Variants in MGA observed in about 807,000 individuals in gnomAD.
MGA encodes MAX dimerization protein MGA.
Under a neutral mutation model 261.1 loss-of-function variants are expected in MGA, and 40 were observed. The observed-to-expected ratio is 0.15, with a 90% confidence interval of 0.12 to 0.20. MGA has a LOEUF of 0.20. MGA is among the 10% of genes least tolerant of loss of function. The probability of loss-of-function intolerance (pLI) is 1.00; values close to 1 mark genes in which losing one functional copy is unlikely to be tolerated. For synonymous variants in MGA, 1,302 were observed against 1,290.6 expected (o/e 1.01, Z -0.19); for missense variants, 3,397 against 3,630.5 (o/e 0.94, Z 1.65).
chr15:41,696,508 T>A lies in MGA; in HGVS notation c.1498T>A (p.Ser500Thr). 6.2e-7 allele frequency: 1 copy of A among 1,613,996 alleles called. No homozygotes were observed. The highest frequency in any genetic ancestry group is 8.5e-7 in the Non-Finnish European group (1 of 1,179,894). Residue 500 changes from serine to threonine, a missense_variant, in exon 3 of 24, where the codon TCT (serine) becomes ACT (threonine). Physicochemically the swap from Ser to Thr is moderately conservative, Grantham distance 58. Coordinates refer to ENST00000219905, the MANE Select transcript of MGA (RefSeq NM_001164273.2). Reference sequence around the variant, plus strand: ...TTCCACATCTCGAAAGGATAAATCTTCTATGTTGGCAGAATTGGAATATTT... The same window carrying A: ...TTCCACATCTCGAAAGGATAAATCTACTATGTTGGCAGAATTGGAATATTT...
chr15:41,638,239 C>T lies in MGA; in HGVS notation c.-68+16941C>T, dbSNP rs568705612. Among the ~76,000 whole-genome samples, 89 of 151,376 alleles carry T rather than the reference C, an allele frequency of 5.9e-4. 1 individual carries two copies. Among genetic ancestry groups the T allele is most frequent in the Admixed American group, 4.5e-3 (68 of 15,170 alleles). On this transcript the variant is annotated intron_variant, in intron 1 of 8. Coordinates refer to the MGA transcript ENST00000566718. ...TGTATTTTCAGTAGAGACGGGGTTT[C>T]GTCATGTTGGTCAGGCTGGTCTCGA...
intron 7 of MGA, among the ~76,000 whole-genome samples, chr15:41,709,141 A>T (rs1358817074): frequency 6.6e-6 from 1 of 152,010 alleles, no homozygotes; most frequent in East Asian, 1.9e-4. Flanking sequence ...GAGCTCAGGA[A>T]TTCGAGACCA....
intron 15 of MGA, among the ~76,000 whole-genome samples, chr15:41,744,636 A>G (rs146817441): frequency 9.8e-5 from 15 of 152,348 alleles, no homozygotes; most frequent in Non-Finnish European, 1.3e-4. Flanking sequence ...CTCAAGGTGC[A>G]TATCTGTTAT....
chr15:41,759,009 G>A (rs1370998282), intron 19 of MGA, among the ~76,000 whole-genome samples: 1 of 152,172 alleles, frequency 6.6e-6, no homozygotes, highest in African/African-American at 2.4e-5. Context: ...TTGAAAATGT[G>A]AGAATACAAA....
Position 41,748,898 on chromosome 15 carries a change from A to C in MGA, c.5474A>C (p.Asn1825Thr). Reference sequence around the variant, plus strand: ...CTTCGAGGCTCTAATACCCAGCCCAACTTACAGCCTGTCATGTTTCGGAAC... The same window carrying C: ...CTTCGAGGCTCTAATACCCAGCCCACCTTACAGCCTGTCATGTTTCGGAAC... The change falls in exon 16 of 24, where the codon AAC becomes ACC. Residue 1825 changes from asparagine to threonine, a missense_variant. Physicochemically the swap from Asn to Thr is moderately conservative, Grantham distance 65. This residue lies in a region of MGA where 1,410 missense variants were observed against 1,386.4 expected (regional missense o/e 1.02). Transcript: ENST00000219905. The C allele has an allele frequency of 3.7e-6, 6 of 1,613,896 alleles. No homozygotes were observed. Among genetic ancestry groups the C allele is most frequent in the Non-Finnish European group, 3.4e-6 (4 of 1,179,862 alleles).
chr15:41,726,632 G>A (rs2061264098), intron 9 of MGA, among the ~76,000 whole-genome samples: 1 of 151,876 alleles, frequency 6.6e-6, no homozygotes, highest in Non-Finnish European at 1.5e-5. Context: ...AGGTGGCTGA[G>A]GCATGAGAAT....
At chr15:41,637,390 A>T (rs2056733074) in intron 1 of MGA, among the ~76,000 whole-genome samples, 1 of 152,182 alleles carries the variant, frequency 6.6e-6, no homozygotes, top group African/African-American at 2.4e-5. Flanking sequence ...TGGTACTGAA[A>T]CTGGTTTAAA....
upstream of MGA, among the ~76,000 whole-genome samples, chr15:41,656,841 A>G (rs1322404550): frequency 6.6e-6 from 1 of 152,196 alleles, no homozygotes; most frequent in Non-Finnish European, 1.5e-5. Flanking sequence ...CAGTGGCACA[A>G]TCACAGCTCA....
chr15:41,716,346 C>T (rs1342831223), intron 9 of MGA, among the ~76,000 whole-genome samples: 8 of 151,622 alleles, frequency 5.3e-5, no homozygotes, highest in South Asian at 2.1e-4. Flanking sequence ...CCCAGCTACT[C>T]CGGAGGCTGA....
chr15:41,723,463 T>C (rs972436158), intron 9 of MGA, among the ~76,000 whole-genome samples: 42 of 152,348 alleles, frequency 2.8e-4, no homozygotes, highest in African/African-American at 9.4e-4. Flanking sequence ...TCACCCAGGC[T>C]GGAGTGCTGT....
chr15:41,713,268 C>G lies in MGA; in HGVS notation c.3202C>G (p.Pro1068Ala), dbSNP rs2060472747. The G allele has an allele frequency of 6.2e-7, 1 of 1,613,986 alleles. No homozygotes were observed. The highest frequency in any genetic ancestry group is 8.5e-7 in the Non-Finnish European group (1 of 1,179,890). Residue 1068 changes from proline (P) to alanine (A), a missense_variant, in exon 9 of 24, where the codon CCT becomes GCT. Around this residue, in one of 9 missense-constraint regions of MGA, gnomAD observed 519 missense variants for 554.1 expected, o/e 0.94. Transcript: ENST00000219905. ...CAGTCTAGCTTTGGAGAAGCGCCAA[C>G]CTGCTCACTGCCGCCGACCAGACTG...
At chr15:41,670,051 G>GAACCA in intron 2 of MGA, 93 bp downstream of exon 2, 1 of 1,016,808 alleles carries the variant, frequency 9.8e-7, no homozygotes, top group Non-Finnish European at 1.4e-6. Context: ...GAATGCTACA[G>GAACCA]ATGTTGATAA....
At chr15:41,653,945 C>G (rs1485113028) in intron 1 of MGA, among the ~76,000 whole-genome samples, 1 of 152,122 alleles carries the variant, frequency 6.6e-6, no homozygotes, top group East Asian at 1.9e-4. Flanking sequence ...GTACCGTTAC[C>G]AAAGTTCCAG....
intron 17 of MGA, 65 bp downstream of exon 17, chr15:41,750,680 GC>G: frequency 1.4e-6 from 2 of 1,433,398 alleles, no homozygotes; most frequent in Non-Finnish European, 1.9e-6. Flanking sequence ...AAAGACAGAA[GC>G]TTTTTCAGAA....
In MGA at chr15:41,707,622, C is replaced by T. The variant is rs563580476; in HGVS notation, c.2189-106C>T. 5.6e-5 allele frequency: 61 copies of T among 1,081,870 alleles called. No individual in the cohort carries two copies. The South Asian group carries it at 7.1e-4, about 13-fold the overall frequency. 67.0% of individuals were successfully genotyped at this position (1,081,870 alleles called of 1,614,324 possible). ...GCTCTTCACTATCTCCTTTCTCTCTCGACCTTACCCCCCCGCCATCTCCCA... is the reference window on the plus strand; with the variant it reads ...GCTCTTCACTATCTCCTTTCTCTCTTGACCTTACCCCCCCGCCATCTCCCA... On this transcript the variant is annotated intron_variant, in intron 5 of 23. Coordinates refer to ENST00000219905, the MANE Select transcript of MGA (RefSeq NM_001164273.2).
chr15:41,662,161 T>C (rs1442855747), intron 1 of MGA, among the ~76,000 whole-genome samples: 1 of 152,162 alleles, frequency 6.6e-6, no homozygotes, highest in African/African-American at 2.4e-5. Flanking sequence ...TTAAGTGGGT[T>C]GGGTCCACTT....
chr15:41,687,854 C>T (rs907827712), intron 2 of MGA, among the ~76,000 whole-genome samples: 1 of 152,014 alleles, frequency 6.6e-6, no homozygotes, highest in South Asian at 2.1e-4. Context: ...TAGTGTTATT[C>T]AGTTCTTCTG....
At chr15:41,635,523 C>CT (rs879607775) in intron 1 of MGA, among the ~76,000 whole-genome samples, 3 of 151,710 alleles carry the variant, frequency 2.0e-5, no homozygotes, top group African/African-American at 7.3e-5. Context: ...AGACCCCCCC[C>CT]CTCCTATAAA....
At chr15:41,757,015 A>G (rs919350924) in intron 18 of MGA, among the ~76,000 whole-genome samples, 3 of 152,076 alleles carry the variant, frequency 2.0e-5, no homozygotes, top group Non-Finnish European at 4.4e-5. Flanking sequence ...AGACTTACAA[A>G]AGTGTGCATG....
Sources: gnomAD v4.1 joint callset for allele counts (sites outside exome capture counted in the v4.1 genomes callset) on GRCh38, gnomAD v4.1.1 for gene constraint, gnomAD v4.1.1 regional missense constraint, MANE v1.5 for transcripts, NCBI Gene and HGNC (gene_info 2026-07-23, HGNC 2026-07-21) for gene names.